Variants in MYO7A observed in about 807,000 individuals in gnomAD.
The protein encoded by MYO7A is myosin VIIA.
Under a neutral mutation model 263.8 loss-of-function variants are expected in MYO7A, and 210 were observed. The ratio of observed to expected loss-of-function variants is 0.80; its 90% CI spans 0.71 to 0.89. The LOEUF (loss-of-function observed/expected upper bound fraction) is 0.89. MYO7A is among the 40% of genes least tolerant of loss of function. The pLI, the probability that MYO7A is intolerant of heterozygous loss-of-function variation, is 0.00. For synonymous variants in MYO7A, 1,239 were observed against 1,197.3 expected (o/e 1.03, Z -0.72); for missense variants, 2,820 against 2,968.3 (o/e 0.95, Z 1.16).
chr11:77,181,631 C>T (rs371453593), intron 23 of MYO7A, 42 bp downstream of exon 23: 65 of 1,566,406 alleles, frequency 4.1e-5, no homozygotes, highest in African/African-American at 1.8e-4. Flanking sequence ...CCACACACAC[C>T]GCTTGTGTTG....
intron 31 of MYO7A, among the ~76,000 whole-genome samples, chr11:77,192,568 A>G (rs1956172630): frequency 6.6e-6 from 1 of 151,672 alleles, no homozygotes; most frequent in South Asian, 2.1e-4. Context: ...GTGCCGCAGG[A>G]CCTGCTGCAC....
intron 44 of MYO7A, chr11:77,209,039 T>G: frequency 7.4e-6 from 4 of 538,268 alleles, no homozygotes; most frequent in East Asian, 3.1e-5. Flanking sequence ...TTCCGATCCC[T>G]ACCTGTTCAG....
intron 3 of MYO7A, among the ~76,000 whole-genome samples, chr11:77,147,224 C>G (rs1951635541): frequency 6.6e-6 from 1 of 151,914 alleles, no homozygotes; most frequent in Non-Finnish European, 1.5e-5. Context: ...CTCTGCCCCC[C>G]TCCCCCTAAT....
Position 77,175,806 on chromosome 11 carries a change from T to C in MYO7A, c.2187+342T>C, listed in dbSNP as rs1954605963. Among the ~76,000 whole-genome samples the C allele has an allele frequency of 2.0e-5, 3 of 152,170 alleles. No homozygotes were observed. The South Asian group carries it at 6.2e-4, about 32-fold the overall frequency. On this transcript the variant is annotated intron_variant, in intron 18 of 48. Transcript: ENST00000409709. The stretch of plus-strand genomic sequence containing the variant: ...TCATTTTCCCATCTGTAAATTGGGG[T>C]GTGCCTGTGTGGGGTCTCTTGAGTG...
intron 2 of MYO7A, 136 bp from the exon 3 acceptor site, chr11:77,142,573 G>A (rs1242380380): frequency 1.3e-6 from 1 of 762,294 alleles, no homozygotes; most frequent in Non-Finnish European, 2.3e-6. Flanking sequence ...TTGCTAGTAA[G>A]TGTGAGTCCC....
Position 77,157,324 on chromosome 11 carries a change from G to C in MYO7A, c.781G>C (p.Gly261Arg). 6.2e-7 allele frequency: 1 copy of C among 1,612,696 alleles called. No homozygotes were observed. The highest frequency in any genetic ancestry group is 8.5e-7 in the Non-Finnish European group (1 of 1,179,428). Residue 261 changes from glycine to arginine, a missense_variant, in exon 8 of 49, where the codon GGT becomes CGT. Transcript: ENST00000409709. Reference protein sequence around the residue: ...NYHVFYCMLEGMSEDQKKKLG... With the variant: ...NYHVFYCMLERMSEDQKKKLG... ...CCACGTGTTCTACTGCATGCTGGAG[G>C]GTATGAGTGAGGATCAGAAGAAGAA...
At chr11:77,191,772 T>TA (rs543849475) in intron 30 of MYO7A, among the ~76,000 whole-genome samples, 127 of 152,350 alleles carry the variant, frequency 8.3e-4, no homozygotes, top group Non-Finnish European at 1.4e-3. Context: ...CCGATGCTCT[T>TA]ATGTTTCCAG....
At chr11:77,194,964 G>A (rs903077740) in intron 32 of MYO7A, among the ~76,000 whole-genome samples, 1 of 152,168 alleles carries the variant, frequency 6.6e-6, no homozygotes, top group African/African-American at 2.4e-5. Context: ...CCAGCCATGA[G>A]TGGTTCCCTC....
At position 77,202,292 on chromosome 11, in the gene MYO7A, G is replaced by T. The variant is rs1487024659; in HGVS notation, c.5044-8G>T. On this transcript the variant is annotated splice_region_variant and splice_polypyrimidine_tract_variant and intron_variant, in intron 36 of 48. Coordinates refer to ENST00000409709, the MANE Select transcript of MYO7A (RefSeq NM_000260.4). ...GCTGACCTGAGCCCCCTGTCTCTTG[G>T]TCCCTAGGCCCTGGTCACCATGACT... 1.3e-6 allele frequency: 2 copies of T among 1,581,454 alleles called. No homozygotes were observed. The highest frequency in any genetic ancestry group is 1.7e-6 in the Non-Finnish European group (2 of 1,162,480).
At chr11:77,172,045 C>T (rs184205980) in intron 15 of MYO7A, among the ~76,000 whole-genome samples, 13 of 152,336 alleles carry the variant, frequency 8.5e-5, no homozygotes, top group East Asian at 5.8e-4. Context: ...AGGCCTGCCC[C>T]GCCCCCAGCC....
intron 4 of MYO7A, among the ~76,000 whole-genome samples, chr11:77,148,280 C>T (rs1733862017): frequency 6.6e-6 from 1 of 152,310 alleles, no homozygotes; most frequent in East Asian, 1.9e-4. Flanking sequence ...GGTGCTTTGC[C>T]CATGCACAGG....
In MYO7A at chr11:77,194,351, T is replaced by C. The variant is rs1956479686; in HGVS notation, c.4153-3T>C. On this transcript the variant is annotated splice_polypyrimidine_tract_variant and splice_region_variant and intron_variant, in intron 31 of 48. Transcript: ENST00000409709. ...TGCATGACCGAGGCCTCCCCCCACC[T>C]AGGAGGACGACCTGGCTGAGCTGGC... The C allele has an allele frequency of 6.2e-7, 1 of 1,610,492 alleles. No individual in the cohort carries two copies. Among genetic ancestry groups the C allele is most frequent in the Admixed American group, 1.7e-5 (1 of 59,646 alleles).
chr11:77,174,144 C>T (rs1216452403), intron 16 of MYO7A, among the ~76,000 whole-genome samples: 2 of 152,180 alleles, frequency 1.3e-5, no homozygotes, highest in Non-Finnish European at 1.5e-5. Flanking sequence ...CAGAGCCCCA[C>T]AGCCTCACAG....
At position 77,213,017 on chromosome 11, in the gene MYO7A, C is replaced by G; in HGVS notation, c.6420C>G (p.Leu2140=). The change falls in exon 47 of 49, where the codon CTC becomes CTG. Residue 2140 remains leucine (L), a synonymous_variant. Coordinates refer to ENST00000409709, the MANE Select transcript of MYO7A (RefSeq NM_000260.4). ...LIAINKYGVS[L]IDPKTKDILT... Reference sequence around the variant, plus strand: ...CCATCAACAAGTATGGGGTCAGCCTCATCGATCCCAAAACGAAGGTGAGCA... The same window carrying G: ...CCATCAACAAGTATGGGGTCAGCCTGATCGATCCCAAAACGAAGGTGAGCA... 1 of 1,582,790 alleles carries G rather than the reference C, an allele frequency of 6.3e-7. No homozygotes were observed. Among genetic ancestry groups the G allele is most frequent in the Non-Finnish European group, 8.6e-7 (1 of 1,163,572 alleles).
At chr11:77,206,030 G>C in intron 40 of MYO7A, 67 bp from the exon 41 acceptor site, 1 of 1,274,112 alleles carries the variant, frequency 7.8e-7, no homozygotes, top group Non-Finnish European at 1.1e-6. Context: ...CTGCCTCCAA[G>C]TGTCCCGGTC....
intron 3 of MYO7A, among the ~76,000 whole-genome samples, chr11:77,145,217 T>C (rs1951480746): frequency 1.3e-5 from 2 of 152,158 alleles, no homozygotes; most frequent in Admixed American, 6.5e-5. Context: ...AGAGTGACAA[T>C]GCCCAGCTCT....
intron 14 of MYO7A, among the ~76,000 whole-genome samples, chr11:77,164,382 A>G (rs1366753559): frequency 6.6e-6 from 1 of 152,114 alleles, no homozygotes; most frequent in Non-Finnish European, 1.5e-5. Context: ...AAATATCTAT[A>G]CCTACTATGT....
At chr11:77,183,279 A>T in intron 26 of MYO7A, 122 bp downstream of exon 26, 19 of 786,768 alleles carry the variant, frequency 2.4e-5, no homozygotes, top group Non-Finnish European at 3.8e-5. Flanking sequence ...GTCTGTCCTC[A>T]GGGGTCTTGG....
rs559102488 is a variant in MYO7A, at chr11:77,194,234, G to T, written c.4153-120G>T. 4.2e-6 allele frequency: 5 copies of T among 1,203,416 alleles called. No homozygotes were observed. The African/African-American group carries it at 7.5e-5, about 18-fold the overall frequency. The allele number at this position is 1,203,416 out of a possible 1,614,324, so 74.5% of individuals were successfully genotyped here. On this transcript the variant is annotated intron_variant, in intron 31 of 48. Coordinates refer to ENST00000409709, the MANE Select transcript of MYO7A (RefSeq NM_000260.4). ...TCAGTGAGAAGCCTGGGTCCCAAAG[G>T]CCAGGCTCTGAGAGCTACAGGAGGC...
Sources: gnomAD v4.1 joint callset for allele counts (sites outside exome capture counted in the v4.1 genomes callset) on GRCh38, gnomAD v4.1.1 for gene constraint, MANE v1.5 for transcripts, NCBI Gene and HGNC (gene_info 2026-07-23, HGNC 2026-07-21) for gene names.